Variants in CORO2B observed in about 807,000 individuals in gnomAD.
CORO2B encodes coronin 2B, also known as coronin-2B.
CORO2B carries 26 observed loss-of-function variants against 58.8 expected under a neutral mutation model. That is an observed-to-expected ratio of 0.44 (90% CI 0.32 to 0.61). CORO2B has a LOEUF of 0.61. Ranked by LOEUF, CORO2B falls within the 20% of genes least tolerant of loss-of-function variation. The probability of loss-of-function intolerance (pLI) is 0.04; values close to 1 mark genes in which losing one functional copy is unlikely to be tolerated. For synonymous variants in CORO2B, 242 were observed against 253.8 expected (o/e 0.95, Z 0.44); for missense variants, 460 against 645.1 (o/e 0.71, Z 3.11).
intron 1 of CORO2B, chr15:68,641,561 C>T (rs776712567): frequency 4.8e-5 from 47 of 985,154 alleles, no homozygotes; most frequent in Non-Finnish European, 5.1e-5. Context: ...AACTGCGGGC[C>T]GCTGAGCGCT....
rs113942152 is a variant in CORO2B at position 68,701,343 on chromosome 15, G to A, written c.333+6087G>A. On this transcript the variant is annotated intron_variant, in intron 3 of 11. Coordinates refer to ENST00000261861, the MANE Select transcript of CORO2B (RefSeq NM_006091.5). ...TCTTTTTTTTGAGAGACGGAGGCTCGCTCTGTCGCCCAGTCTGGAGTGCAG... is the reference window on the plus strand; with the variant it reads ...TCTTTTTTTTGAGAGACGGAGGCTCACTCTGTCGCCCAGTCTGGAGTGCAG... Among the ~76,000 whole-genome samples, 7 of 150,528 alleles carry A rather than the reference G, an allele frequency of 4.7e-5. No homozygotes were observed. In the East Asian group the frequency reaches 9.7e-4, roughly 21 times the overall value.
chr15:68,587,085 C>T (rs1323675350), intron 1 of CORO2B, among the ~76,000 whole-genome samples: 1 of 135,940 alleles, frequency 7.4e-6, no homozygotes, highest in Non-Finnish European at 1.6e-5. Flanking sequence ...CACACACACA[C>T]ACACACACAC....
intron 8 of CORO2B, among the ~76,000 whole-genome samples, chr15:68,718,335 C>T (rs1893079511): frequency 6.6e-6 from 1 of 152,202 alleles, no homozygotes; most frequent in Non-Finnish European, 1.5e-5. Context: ...CTCTGTGGCC[C>T]TGCCCCTGCT....
chr15:68,550,761 GGAGCCAGAACACATCTGA>G, the CORO2B span, among the ~76,000 whole-genome samples: 1 of 152,184 alleles, frequency 6.6e-6, no homozygotes, highest in Non-Finnish European at 1.5e-5. Context: ...GGGTGGCTTG[GGAGCCAGAACACATCTGA>G]GATGCAGGCG....
chr15:68,639,210 T>G (rs1901129731), intron 1 of CORO2B, among the ~76,000 whole-genome samples: 2 of 152,142 alleles, frequency 1.3e-5, no homozygotes, highest in Admixed American at 6.5e-5. Flanking sequence ...CTTGCCCCCC[T>G]ACCATACTGA....
chr15:68,601,583 G>A (rs1357280001), intron 1 of CORO2B, among the ~76,000 whole-genome samples: 1 of 152,230 alleles, frequency 6.6e-6, no homozygotes, highest in Non-Finnish European at 1.5e-5. Flanking sequence ...CGGGGCATCA[G>A]AAGGCCTGCC....
intron 1 of CORO2B, chr15:68,616,732 C>A: frequency 1.9e-6 from 1 of 536,116 alleles, no homozygotes; most frequent in Non-Finnish European, 2.4e-6. Flanking sequence ...CTGGGTCTTG[C>A]CTCTTGGGTG....
intron 2 of CORO2B, among the ~76,000 whole-genome samples, chr15:68,665,899 G>A (rs34054994): frequency 0.19 from 29,325 of 151,944 alleles, 2,954 homozygotes; most frequent in Middle Eastern, 0.23. Flanking sequence ...TTCATTTATA[G>A]CTTTTATACC....
chr15:68,546,476 C>T, the CORO2B span, among the ~76,000 whole-genome samples: 6 of 152,176 alleles, frequency 3.9e-5, no homozygotes, highest in Admixed American at 3.9e-4. Flanking sequence ...ACCTCCAGCC[C>T]AGACTACCTG....
intron 2 of CORO2B, among the ~76,000 whole-genome samples, chr15:68,691,255 G>A (rs1404539919): frequency 1.0e-4 from 15 of 148,640 alleles, no homozygotes; most frequent in African/African-American, 3.2e-4. Flanking sequence ...CGTGAACCCC[G>A]GGGGGCAGAG....
At chr15:68,611,055 A>G (rs1042590505) in intron 1 of CORO2B, among the ~76,000 whole-genome samples, 2 of 152,112 alleles carry the variant, frequency 1.3e-5, no homozygotes, top group African/African-American at 4.8e-5. Context: ...AGCTAATCCA[A>G]CCTCAGTTCA....
intron 1 of CORO2B, among the ~76,000 whole-genome samples, chr15:68,634,555 G>C (rs1900966988): frequency 1.3e-5 from 2 of 152,310 alleles, no homozygotes; most frequent in Admixed American, 1.3e-4. Flanking sequence ...TGAAGTTTCA[G>C]AGGGCCCAGT....
At chr15:68,565,611 T>G in the CORO2B span, among the ~76,000 whole-genome samples, 1 of 152,172 alleles carries the variant, frequency 6.6e-6, no homozygotes. Context: ...TTTCTTTCTT[T>G]TATTGCCAGA....
At chr15:68,532,121 A>T in the CORO2B span, among the ~76,000 whole-genome samples, 1 of 152,048 alleles carries the variant, frequency 6.6e-6, no homozygotes, top group Non-Finnish European at 1.5e-5. Flanking sequence ...TTTTATCATG[A>T]TGTACCTTTG....
At chr15:68,643,234 A>G (rs1901314234) in intron 1 of CORO2B, among the ~76,000 whole-genome samples, 1 of 151,958 alleles carries the variant, frequency 6.6e-6, no homozygotes, top group African/African-American at 2.4e-5. Context: ...TGGTGTCCTG[A>G]TGAGGAGCCA....
chr15:68,545,412 C>T, the CORO2B span, among the ~76,000 whole-genome samples: 1 of 152,154 alleles, frequency 6.6e-6, no homozygotes, highest in Admixed American at 6.5e-5. Context: ...CTGTCATACC[C>T]TGGTGGGAAA....
At chr15:68,720,844 G>C (rs939169828) in intron 11 of CORO2B, among the ~76,000 whole-genome samples, 4 of 152,176 alleles carry the variant, frequency 2.6e-5, no homozygotes, top group Non-Finnish European at 4.4e-5. Flanking sequence ...GGATAAAATG[G>C]GAGCCATCTT....
At chr15:68,619,212 A>G (rs992650893) in intron 1 of CORO2B, among the ~76,000 whole-genome samples, 1 of 152,226 alleles carries the variant, frequency 6.6e-6, no homozygotes, top group African/African-American at 2.4e-5. Context: ...TTACTCTTCC[A>G]GGGAGCATTC....
intron 2 of CORO2B, among the ~76,000 whole-genome samples, chr15:68,647,837 G>A (rs1246912031): frequency 6.9e-6 from 1 of 145,882 alleles, no homozygotes; most frequent in Admixed American, 7.0e-5. Context: ...GTGAGGCCCT[G>A]AGACCCTGTT....
Sources: allele counts gnomAD v4.1 joint callset (sites outside exome capture counted in the v4.1 genomes callset), GRCh38; gene constraint gnomAD v4.1.1; transcripts MANE v1.5; gene names NCBI Gene and HGNC (gene_info 2026-07-23, HGNC 2026-07-21).